The following ARFGEF2 variants were observed in gnomAD, a reference collection of about 807,000 sequenced individuals.
ARFGEF2 encodes the protein brefeldin A-inhibited guanine nucleotide-exchange protein 2.
Under a neutral mutation model 219.9 loss-of-function variants are expected in ARFGEF2, and 74 were observed. The ratio of observed to expected loss-of-function variants is 0.34; its 90% CI spans 0.28 to 0.41. ARFGEF2 has a LOEUF of 0.41. ARFGEF2 is among the 10% of genes least tolerant of loss of function. The pLI, the probability that ARFGEF2 is intolerant of heterozygous loss-of-function variation, is 1.00. For missense variants in ARFGEF2, 1,743 were observed against 2,218.3 expected (o/e 0.79, Z 4.30); for synonymous variants, 733 against 799.2 (o/e 0.92, Z 1.40).
intron 8 of ARFGEF2, 121 bp from the exon 9 acceptor site, chr20:48,969,026 T>C (rs544908460): frequency 2.2e-6 from 2 of 925,930 alleles, no homozygotes; most frequent in African/African-American, 3.3e-5. Flanking sequence ...AATGGTGCCA[T>C]CATGGCTTAC....
chr20:49,032,028 C>T (rs1260044554), intron 37 of ARFGEF2, 21 bp from the exon 38 acceptor site: 1 of 1,504,680 alleles, frequency 6.6e-7, no homozygotes. Flanking sequence ...TGATATGCCT[C>T]CCCCTCTCTA....
chr20:49,006,225 T>C (rs1600538445), intron 26 of ARFGEF2, among the ~76,000 whole-genome samples: 1 of 151,020 alleles, frequency 6.6e-6, no homozygotes, highest in South Asian at 2.1e-4. Context: ...ACCCGGGAGG[T>C]GGAGGTTATA....
In ARFGEF2 at chr20:48,998,471, G is replaced by A. The variant is rs1689730305; in HGVS notation, c.3398G>A (p.Arg1133Gln). Reference sequence around the variant, plus strand: ...AATCGGATCCGACTACAGTGGTCTCGAATATGGCATGTGATTGGAGATCAC... The same window carrying A: ...AATCGGATCCGACTACAGTGGTCTCAAATATGGCATGTGATTGGAGATCAC... ...NMNRIRLQWS[R>Q]IWHVIGDHFN... The change falls in exon 25 of 39, where the codon CGA becomes CAA. Residue 1133 changes from arginine to glutamine, a missense_variant. This residue lies in a region of ARFGEF2 where 102 missense variants were observed against 146.8 expected (regional missense o/e 0.69). Coordinates refer to ENST00000371917, the MANE Select transcript of ARFGEF2 (RefSeq NM_006420.3). 1.9e-6 allele frequency: 3 copies of A among 1,613,014 alleles called. No homozygotes were observed. Among genetic ancestry groups the A allele is most frequent in the African/African-American group, 1.3e-5 (1 of 74,552 alleles).
chr20:48,951,614 T>C, intron 4 of ARFGEF2, 145 bp downstream of exon 4: 1 of 1,164,604 alleles, frequency 8.6e-7, no homozygotes, highest in Non-Finnish European at 1.2e-6. Context: ...AGATCTTTTG[T>C]TAGGTGTCAG....
At chr20:49,031,376 C>T (rs1181016372) in intron 37 of ARFGEF2, among the ~76,000 whole-genome samples, 1 of 151,892 alleles carries the variant, frequency 6.6e-6, no homozygotes, top group African/African-American at 2.4e-5. Context: ...ATTACAGATA[C>T]GCACCACCAC....
At chr20:48,959,873 T>G (rs759214274) in intron 6 of ARFGEF2, among the ~76,000 whole-genome samples, 15 of 152,036 alleles carry the variant, frequency 9.9e-5, no homozygotes, top group Non-Finnish European at 1.9e-4. Context: ...AGTGCTGGGA[T>G]TACAGGCATG....
intron 14 of ARFGEF2, among the ~76,000 whole-genome samples, chr20:48,981,505 T>A (rs2091295738): frequency 6.6e-6 from 1 of 152,174 alleles, no homozygotes; most frequent in African/African-American, 2.4e-5. Context: ...TTCTCTGTAT[T>A]TCCTGAATTT....
intron 1 of ARFGEF2, among the ~76,000 whole-genome samples, chr20:48,938,240 A>T (rs1192172072): frequency 6.6e-6 from 1 of 152,128 alleles, no homozygotes; most frequent in Admixed American, 6.5e-5. Flanking sequence ...CGCTTATAGA[A>T]AACTTGATGT....
In ARFGEF2 at chr20:48,989,681, G is replaced by A. The variant is rs2091346293; in HGVS notation, c.2811G>A (p.Met937Ile). 6.2e-7 allele frequency: 1 copy of A among 1,614,150 alleles called. No individual in the cohort carries two copies. The highest frequency in any genetic ancestry group is 8.5e-7 in the Non-Finnish European group (1 of 1,180,034). Residue 937 changes from methionine (M) to isoleucine (I), a missense_variant, in exon 20 of 39, where the codon ATG (methionine) becomes ATA (isoleucine). Met to Ile is a conservative substitution (Grantham distance 10). This residue lies in a region of ARFGEF2 where 666 missense variants were observed against 955.4 expected (regional missense o/e 0.70). Coordinates refer to ENST00000371917, the MANE Select transcript of ARFGEF2 (RefSeq NM_006420.3). Reference protein sequence around the residue: ...CAIRIACIFGMQLERDAYVQA... With the variant: ...CAIRIACIFGIQLERDAYVQA... ...TCCGAATCGCCTGCATCTTTGGAAT[G>A]CAGGTAGGTGTAAGTCAGCAACACT... is the stretch of plus-strand genomic sequence containing the variant.
intron 26 of ARFGEF2, among the ~76,000 whole-genome samples, chr20:49,009,935 A>G (rs1211250028): frequency 6.6e-6 from 1 of 152,240 alleles, no homozygotes; most frequent in Admixed American, 6.5e-5. Context: ...CTTTGGTTCC[A>G]TGGCCTGGAT....
chr20:49,032,922 A>G (rs1287660323), intron 38 of ARFGEF2, 101 bp from the exon 39 acceptor site: 4 of 1,157,396 alleles, frequency 3.5e-6, no homozygotes, highest in African/African-American at 3.1e-5. Context: ...AAAAGCACCA[A>G]TATTGTAATA....
At chr20:49,007,612 T>G (rs1160263461) in intron 26 of ARFGEF2, among the ~76,000 whole-genome samples, 2 of 150,760 alleles carry the variant, frequency 1.3e-5, no homozygotes, top group Non-Finnish European at 3.0e-5. Context: ...TTTTTTTTTT[T>G]TTTTAAGAAA....
chr20:48,950,455 A>T (rs2123345081), intron 3 of ARFGEF2, among the ~76,000 whole-genome samples: 1 of 152,144 alleles, frequency 6.6e-6, no homozygotes, highest in Non-Finnish European at 1.5e-5. Flanking sequence ...TATAATTTTA[A>T]CAGCTTTTTG....
chr20:48,937,855 A>T (rs4810898), intron 1 of ARFGEF2, among the ~76,000 whole-genome samples: 2 of 151,988 alleles, frequency 1.3e-5, no homozygotes, highest in African/African-American at 4.8e-5. Context: ...GGCCAGAAAC[A>T]GACTTTGGAG....
intron 8 of ARFGEF2, 142 bp downstream of exon 8, chr20:48,966,165 C>G: frequency 1.9e-6 from 2 of 1,040,778 alleles, no homozygotes; most frequent in African/African-American, 1.6e-5. Context: ...GGCTGATATT[C>G]TTTGTATTAG....
chr20:48,923,047 A>C (rs1297645707), intron 1 of ARFGEF2, among the ~76,000 whole-genome samples: 1 of 152,226 alleles, frequency 6.6e-6, no homozygotes, highest in East Asian at 1.9e-4. Context: ...TCCAAGAGGA[A>C]AAGTAATCAG....
At chr20:48,950,881 C>A (rs1458718648) in intron 3 of ARFGEF2, among the ~76,000 whole-genome samples, 2 of 138,010 alleles carry the variant, frequency 1.4e-5, no homozygotes, top group African/African-American at 5.4e-5. Context: ...CACACACACA[C>A]AAAATTTTGT....
At chr20:49,007,311 C>T (rs1277672843) in intron 26 of ARFGEF2, among the ~76,000 whole-genome samples, 4 of 126,926 alleles carry the variant, frequency 3.2e-5, no homozygotes, top group East Asian at 2.2e-4. Flanking sequence ...TTTTTTGAGA[C>T]GGAGTTTTGC....
At chr20:48,932,834 A>T (rs1200539244) in intron 1 of ARFGEF2, among the ~76,000 whole-genome samples, 2 of 152,026 alleles carry the variant, frequency 1.3e-5, no homozygotes, top group African/African-American at 2.4e-5. Context: ...GTGGAGGAGG[A>T]TGTGGTAGGT....
Sources: gnomAD v4.1 joint callset for allele counts (sites outside exome capture counted in the v4.1 genomes callset) on GRCh38, gnomAD v4.1.1 for gene constraint, gnomAD v4.1.1 regional missense constraint, MANE v1.5 for transcripts, NCBI Gene and HGNC (gene_info 2026-07-23, HGNC 2026-07-21) for gene names.